CHRM3: variants seen among roughly 807,000 people sequenced by gnomAD.
CHRM3 encodes muscarinic acetylcholine receptor M3.
CHRM3 carries 11 observed loss-of-function variants against 41.8 expected under a neutral mutation model. The ratio of observed to expected loss-of-function variants is 0.26; its 90% CI spans 0.17 to 0.44. The LOEUF (loss-of-function observed/expected upper bound fraction) is 0.44. Ranked by LOEUF, CHRM3 falls within the 20% of genes least tolerant of loss-of-function variation. The pLI is 1.00. For synonymous variants in CHRM3, 297 were observed against 301.4 expected, an observed-to-expected ratio of 0.99 and a Z score of 0.15; for missense variants, 571 against 745.4, an observed-to-expected ratio of 0.77 and a Z score of 2.72.
chr1:239,784,990 A>G (rs552507460), intron 5 of CHRM3, among the ~76,000 whole-genome samples: 16 of 152,270 alleles, frequency 1.1e-4, no homozygotes, highest in African/African-American at 3.9e-4. Flanking sequence ...ATTTTATCCT[A>G]TAGTTGTCTA....
At chr1:239,524,521 G>T (rs1042018847) in intron 2 of CHRM3, among the ~76,000 whole-genome samples, 1 of 151,992 alleles carries the variant, frequency 6.6e-6, no homozygotes, top group South Asian at 2.1e-4. Flanking sequence ...ACTAAAATTG[G>T]ATAAATGTAA....
At chr1:239,608,015 T>C (rs1666548540) in intron 3 of CHRM3, among the ~76,000 whole-genome samples, 1 of 152,204 alleles carries the variant, frequency 6.6e-6, no homozygotes, top group South Asian at 2.1e-4. Flanking sequence ...AAGGCGTCTT[T>C]TCACTTGAAG....
At chr1:239,608,587 T>G (rs1179083363) in intron 3 of CHRM3, among the ~76,000 whole-genome samples, 2 of 152,146 alleles carry the variant, frequency 1.3e-5, no homozygotes, top group African/African-American at 4.8e-5. Context: ...ACAATAAGCC[T>G]TGGTAATTCT....
intron 3 of CHRM3, 26 bp downstream of exon 3, chr1:239,545,775 T>C (rs1007024131): frequency 5.3e-5 from 8 of 152,128 alleles, no homozygotes; most frequent in Admixed American, 5.2e-4. Context: ...ATTAATATCA[T>C]GTACACAGTT....
At chr1:239,399,243 T>C (rs1659754379) in intron 1 of CHRM3, among the ~76,000 whole-genome samples, 1 of 152,154 alleles carries the variant, frequency 6.6e-6, no homozygotes, top group Admixed American at 6.5e-5. Context: ...TTAAACATTA[T>C]ATATATTTAT....
At chr1:239,813,916 C>CAAAAAAAAAAAAAAAAAAAAAAAAAAAA (rs67147618) in intron 5 of CHRM3, among the ~76,000 whole-genome samples, 5 of 103,240 alleles carry the variant, frequency 4.8e-5, no homozygotes, top group African/African-American at 2.6e-4. Flanking sequence ...GACTCCGTCT[C>CAAAAAAAAAAAAAAAAAAAAAAAAAAAA]AAAAAAAAAA....
At chr1:239,820,306 G>A (rs1279043840) in intron 5 of CHRM3, among the ~76,000 whole-genome samples, 1 of 152,172 alleles carries the variant, frequency 6.6e-6, no homozygotes, top group Non-Finnish European at 1.5e-5. Context: ...TAGGCGGTTA[G>A]TAAATGATTT....
intron 6 of CHRM3, among the ~76,000 whole-genome samples, chr1:239,892,702 G>A (rs1397146047): frequency 6.6e-6 from 1 of 152,004 alleles, no homozygotes; most frequent in Non-Finnish European, 1.5e-5. Flanking sequence ...TCTTAGATTT[G>A]TATTGGCCTC....
At chr1:239,861,639 G>A (rs1463838741) in intron 6 of CHRM3, among the ~76,000 whole-genome samples, 2 of 152,142 alleles carry the variant, frequency 1.3e-5, no homozygotes, top group African/African-American at 4.8e-5. Context: ...GAAGTTGTGT[G>A]ATGTGTTTAA....
intron 3 of CHRM3, among the ~76,000 whole-genome samples, chr1:239,598,617 C>G (rs1386766555): frequency 2.0e-5 from 3 of 152,126 alleles, no homozygotes; most frequent in African/African-American, 7.2e-5. Flanking sequence ...TAGCTCAGAG[C>G]AGGGACAGTA....
intron 2 of CHRM3, among the ~76,000 whole-genome samples, chr1:239,520,475 C>T (rs1669567849): frequency 6.6e-6 from 1 of 152,086 alleles, no homozygotes; most frequent in South Asian, 2.1e-4. Flanking sequence ...TCTCTTGCTC[C>T]CAATCCCTCC....
At chr1:239,399,334 A>ATTT (rs71567244) in intron 1 of CHRM3, among the ~76,000 whole-genome samples, 5 of 135,216 alleles carry the variant, frequency 3.7e-5, no homozygotes, top group African/African-American at 8.1e-5. Context: ...ATGACCTCTG[A>ATTT]TTTTTTTTTT....
intron 2 of CHRM3, among the ~76,000 whole-genome samples, chr1:239,511,477 A>G (rs1668917387): frequency 6.6e-6 from 1 of 152,232 alleles, no homozygotes; most frequent in Admixed American, 6.5e-5. Context: ...GAAAAACAAA[A>G]GTATCAAATG....
At chr1:239,731,091 T>C (rs185043785) in intron 5 of CHRM3, among the ~76,000 whole-genome samples, 1 of 152,066 alleles carries the variant, frequency 6.6e-6, no homozygotes, top group Admixed American at 6.6e-5. Context: ...ATGAGAGAGT[T>C]AAAAAAGAAG....
chr1:239,696,675 A>C (rs1233492025), intron 5 of CHRM3, among the ~76,000 whole-genome samples: 3 of 152,310 alleles, frequency 2.0e-5, no homozygotes, highest in East Asian at 3.9e-4. Flanking sequence ...ATACTGGCAC[A>C]TTTATGTAGC....
At chr1:239,413,840 C>T (rs375649784) in intron 1 of CHRM3, among the ~76,000 whole-genome samples, 9 of 151,024 alleles carry the variant, frequency 6.0e-5, no homozygotes, top group Middle Eastern at 3.2e-3. Flanking sequence ...CATATGTGCA[C>T]GTTTTTTTAA....
intron 4 of CHRM3, among the ~76,000 whole-genome samples, chr1:239,640,555 A>C (rs1339200746): frequency 6.6e-6 from 1 of 151,954 alleles, no homozygotes; most frequent in Non-Finnish European, 1.5e-5. Flanking sequence ...ATTTGTGTAG[A>C]GGTGTTTGTA....
At chr1:239,725,227 T>C (rs1471575557) in intron 5 of CHRM3, among the ~76,000 whole-genome samples, 1 of 151,966 alleles carries the variant, frequency 6.6e-6, no homozygotes, top group African/African-American at 2.4e-5. Context: ...ATGAAATGAT[T>C]ATGTCCTTTT....
intron 5 of CHRM3, among the ~76,000 whole-genome samples, chr1:239,799,867 A>G (rs751657431): frequency 2.6e-5 from 4 of 152,204 alleles, no homozygotes; most frequent in Non-Finnish European, 5.9e-5. Context: ...GTCAAATGAG[A>G]GCACGTTGGA....
Sources: gnomAD v4.1 joint callset for allele counts (sites outside exome capture counted in the v4.1 genomes callset) on GRCh38, gnomAD v4.1.1 for gene constraint, MANE v1.5 for transcripts, NCBI Gene and HGNC (gene_info 2026-07-23, HGNC 2026-07-21) for gene names.